KCNB2: variants seen among roughly 807,000 people sequenced by gnomAD.
KCNB2 encodes the protein delayed rectifier potassium channel protein.
A neutral mutation model predicts 61.5 loss-of-function variants in KCNB2; 15 were observed. The observed-to-expected ratio is 0.24, with a 90% CI of 0.16 to 0.38. The LOEUF (loss-of-function observed/expected upper bound fraction) is 0.38, where lower values mean the gene tolerates loss of function less well. Ranked by LOEUF, KCNB2 falls within the 10% of genes least tolerant of loss-of-function variation. KCNB2 has a pLI of 1.00. For synonymous variants in KCNB2, 457 were observed against 446.0 expected, an observed-to-expected ratio of 1.02 and a Z score of -0.31; for missense variants, 828 against 1,125.2, an observed-to-expected ratio of 0.74 and a Z score of 3.78.
chr8:72,676,280 A>G (rs926632119), intron 2 of KCNB2, among the ~76,000 whole-genome samples: 10 of 152,134 alleles, frequency 6.6e-5, no homozygotes, highest in Admixed American at 6.6e-4. Flanking sequence ...TGGGTCCAAT[A>G]ATCAATGTGC....
At chr8:72,778,733 C>CAAAA (rs753797385) in intron 2 of KCNB2, among the ~76,000 whole-genome samples, 205 of 14,176 alleles carry the variant, frequency 0.014, 13 homozygotes, top group East Asian at 0.023. Context: ...ACAGAGCGAG[C>CAAAA]AAAAAAAAAA....
intron 2 of KCNB2, among the ~76,000 whole-genome samples, chr8:72,845,739 G>A (rs756565051): frequency 1.3e-5 from 2 of 151,328 alleles, no homozygotes; most frequent in African/African-American, 4.9e-5. Flanking sequence ...ATTACACCGT[G>A]AGGGGAAAAT....
chr8:72,679,405 T>G (rs775791543), intron 2 of KCNB2, among the ~76,000 whole-genome samples: 3 of 152,218 alleles, frequency 2.0e-5, no homozygotes, highest in Non-Finnish European at 2.9e-5. Flanking sequence ...GATAATGAGA[T>G]TCCACTTGGT....
intron 2 of KCNB2, among the ~76,000 whole-genome samples, chr8:72,788,401 C>A (rs1319902958): frequency 6.6e-6 from 1 of 152,094 alleles, no homozygotes; most frequent in Non-Finnish European, 1.5e-5. Context: ...GAAAAGGAGT[C>A]CTGGGGTCTC....
chr8:72,907,356 AAAAAACAAAAAAC>A (rs1806197000), intron 2 of KCNB2, among the ~76,000 whole-genome samples: 1 of 152,098 alleles, frequency 6.6e-6, no homozygotes, highest in African/African-American at 2.4e-5. Flanking sequence ...ACTCCATCTC[AAAAAACAAAAAAC>A]AAAAACAAAA....
chr8:72,778,567 G>C (rs1256874586), intron 2 of KCNB2, among the ~76,000 whole-genome samples: 1 of 150,376 alleles, frequency 6.6e-6, no homozygotes, highest in African/African-American at 2.4e-5. Flanking sequence ...GAGAAACCCG[G>C]TCTCTACAAA....
chr8:72,627,333 G>T lies in KCNB2; in HGVS notation c.579+59020G>T, dbSNP rs146962003. Among the ~76,000 whole-genome samples the T allele has an allele frequency of 1.5e-4, 23 of 152,244 alleles. No individual in the cohort carries two copies. The East Asian group carries it at 4.3e-3, about 28-fold the overall frequency. ...GCCTAATGGCTATCAGAGATATTAA[G>T]AACACTTTCTGGAGGTCTCAAATTT... On this transcript the variant is annotated intron_variant, in intron 2 of 2. Transcript: ENST00000523207.
intron 2 of KCNB2, among the ~76,000 whole-genome samples, chr8:72,914,956 G>C (rs918736107): frequency 2.0e-5 from 3 of 150,602 alleles, no homozygotes; most frequent in Admixed American, 6.6e-5. Flanking sequence ...CCAGGCTGGA[G>C]TGCAGTGGCA....
intron 1 of KCNB2, among the ~76,000 whole-genome samples, chr8:72,540,346 G>T (rs1806171616): frequency 6.6e-6 from 1 of 152,038 alleles, no homozygotes; most frequent in South Asian, 2.1e-4. Context: ...AAGATATTCT[G>T]CTTATTTCAA....
intron 2 of KCNB2, among the ~76,000 whole-genome samples, chr8:72,814,432 A>G (rs1253554625): frequency 6.6e-6 from 1 of 152,184 alleles, no homozygotes; most frequent in Non-Finnish European, 1.5e-5. Flanking sequence ...CAAAGTGGTT[A>G]TACTAATTTA....
chr8:72,868,112 C>A (rs1462687295), intron 2 of KCNB2, among the ~76,000 whole-genome samples: 2 of 148,484 alleles, frequency 1.3e-5, no homozygotes, highest in Non-Finnish European at 3.0e-5. Context: ...CACTCCATTG[C>A]GCAGGCTAGA....
At chr8:72,711,649 A>G (rs200636255) in intron 2 of KCNB2, among the ~76,000 whole-genome samples, 2 of 152,206 alleles carry the variant, frequency 1.3e-5, no homozygotes, top group East Asian at 3.8e-4. Flanking sequence ...AGGGCACAGC[A>G]TGTCCAGAGG....
chr8:72,789,931 T>G (rs1325293457), intron 2 of KCNB2, among the ~76,000 whole-genome samples: 2 of 151,910 alleles, frequency 1.3e-5, no homozygotes, highest in Non-Finnish European at 2.9e-5. Context: ...TTGCCAGTAG[T>G]TTGCAGTTAA....
chr8:72,899,304 A>G lies in KCNB2; in HGVS notation c.580-36631A>G, dbSNP rs867786152. ...CAACATCACACTGAATGAGCAAAAG[A>G]TGGAATCATTCCCCTTGAGGGGAAT... is the stretch of plus-strand genomic sequence containing the variant. On this transcript the variant is annotated intron_variant, in intron 2 of 2. Transcript: ENST00000523207. Among the ~76,000 whole-genome samples, 14 of 152,242 alleles carry G rather than the reference A, an allele frequency of 9.2e-5. 1 individual carries two copies. In the South Asian group the frequency reaches 1.4e-3, roughly 16 times the overall value.
At position 72,869,408 on chromosome 8, in the gene KCNB2, T is replaced by C. The variant is rs180778487; in HGVS notation, c.580-66527T>C. Among the ~76,000 whole-genome samples the C allele has an allele frequency of 3.9e-3, 598 of 152,278 alleles. 3 individuals are homozygous for C. The highest frequency in any genetic ancestry group is 0.012 in the African/African-American group (500 of 41,562). On this transcript the variant is annotated intron_variant, in intron 2 of 2. Coordinates refer to ENST00000523207, the MANE Select transcript of KCNB2 (RefSeq NM_004770.3). ...TGGGATCCTTCCTTTATTAAAACCATATTAAAAGAATAGGAGAAAATATTT... is the reference window on the plus strand; with the variant it reads ...TGGGATCCTTCCTTTATTAAAACCACATTAAAAGAATAGGAGAAAATATTT...
intron 2 of KCNB2, among the ~76,000 whole-genome samples, chr8:72,709,269 T>A (rs1437023847): frequency 6.6e-6 from 1 of 152,120 alleles, no homozygotes; most frequent in Admixed American, 6.5e-5. Flanking sequence ...AAACAAAAAA[T>A]TTTTAAATTT....
chr8:72,927,708 G>A (rs1372365091), intron 2 of KCNB2, among the ~76,000 whole-genome samples: 3 of 152,212 alleles, frequency 2.0e-5, no homozygotes, highest in African/African-American at 7.2e-5. Flanking sequence ...ATAGTCTCTT[G>A]ATGGGTTCTT....
intron 2 of KCNB2, among the ~76,000 whole-genome samples, chr8:72,778,733 CAAAAAAAAA>C (rs753797385): frequency 0.13 from 1,843 of 13,944 alleles, 4 homozygotes; most frequent in Middle Eastern, 0.4. Context: ...ACAGAGCGAG[CAAAAAAAAA>C]AAAAAAAAAA....
At chr8:72,705,775 C>G (rs1359541600) in intron 2 of KCNB2, among the ~76,000 whole-genome samples, 1 of 152,164 alleles carries the variant, frequency 6.6e-6, no homozygotes, top group African/African-American at 2.4e-5. Flanking sequence ...ACATGTGTAG[C>G]ATGAGAATGA....
Sources: gnomAD v4.1 joint callset for allele counts (sites outside exome capture counted in the v4.1 genomes callset) on GRCh38, gnomAD v4.1.1 for gene constraint, MANE v1.5 for transcripts, NCBI Gene and HGNC (gene_info 2026-07-23, HGNC 2026-07-21) for gene names.